PCDHGA8: variants seen among roughly 807,000 people sequenced by gnomAD.
PCDHGA8 encodes protocadherin gamma-A8.
In PCDHGA8, 45 loss-of-function variants were observed where a neutral mutation model predicts 59.2. That is an observed-to-expected ratio of 0.76 (90% CI 0.60 to 0.98). The LOEUF is 0.98. Among genes scored for constraint, PCDHGA8 ranks in the 50% least tolerant of loss-of-function variants. The probability of loss-of-function intolerance (pLI) is 0.00; values close to 1 mark genes in which losing one functional copy is unlikely to be tolerated. For missense variants in PCDHGA8, 1,257 were observed against 1,196.2 expected (o/e 1.05, Z -0.75); for synonymous variants, 531 against 519.0 (o/e 1.02, Z -0.32).
chr5:141,418,897 A>T, intron 1 of PCDHGA8: 1 of 1,613,980 alleles, frequency 6.2e-7, no homozygotes, highest in Non-Finnish European at 8.5e-7. Flanking sequence ...ACAGCCCAGA[A>T]ATAATCATCA....
chr5:141,397,986 C>G, intron 1 of PCDHGA8: 2 of 1,316,082 alleles, frequency 1.5e-6, no homozygotes, highest in Non-Finnish European at 2.1e-6. Flanking sequence ...GCCTTTACAC[C>G]GCTTCCTCCT....
chr5:141,477,572 G>T lies in PCDHGA8; in HGVS notation c.2425-17235G>T, dbSNP rs375416133. The T allele has an allele frequency of 6.2e-7, 1 of 1,614,112 alleles. No homozygotes were observed. Among genetic ancestry groups the T allele is most frequent in the South Asian group, 1.1e-5 (1 of 91,072 alleles). ...AAACCTAAGTGTCTGGGACCCCGAC[G>T]CCCCGCAGAATGCTCGGCTTTCTTT... On this transcript the variant is annotated intron_variant, in intron 1 of 3. Transcript: ENST00000398604. The surrounding 1 kb of genome is among the most constrained non-coding windows in gnomAD (Gnocchi z 4.9).
intron 1 of PCDHGA8, chr5:141,427,818 G>T: frequency 6.5e-7 from 1 of 1,530,644 alleles, no homozygotes; most frequent in Non-Finnish European, 9.0e-7. Flanking sequence ...GAGCGGGGTG[G>T]TGGTCGCGCA....
intron 2 of PCDHGA8, among the ~76,000 whole-genome samples, chr5:141,498,976 GGAAGGAAGGAAGGAA>G (rs1562186940): frequency 1.5e-4 from 2 of 13,010 alleles, no homozygotes; most frequent in Admixed American, 2.9e-3. Context: ...AGGGAGGGAA[GGAAGGAAGGAAGGAA>G]GGAAGGAAGG....
Position 141,476,242 on chromosome 5 carries a change from G to T in PCDHGA8, c.2425-18565G>T. ...ACTATGAGATCCCGGAGGAAAGAGA[G>T]AAGGGTTTCGCTGTGGGCAACGTGG... is the stretch of plus-strand genomic sequence containing the variant. On this transcript the variant is annotated intron_variant, in intron 1 of 3. Coordinates refer to ENST00000398604, the MANE Select transcript of PCDHGA8 (RefSeq NM_032088.2). The surrounding 1 kb of genome is among the most constrained non-coding windows in gnomAD (Gnocchi z 7.6). 6.2e-7 allele frequency: 1 copy of T among 1,614,100 alleles called. No individual in the cohort carries two copies.
intron 1 of PCDHGA8, chr5:141,418,598 T>G: frequency 6.2e-7 from 1 of 1,614,010 alleles, no homozygotes; most frequent in Non-Finnish European, 8.5e-7. Flanking sequence ...CCAGGACGTG[T>G]ACAGGGTTAG....
Position 141,485,256 on chromosome 5 carries a change from G to A in PCDHGA8, c.2425-9551G>A, listed in dbSNP as rs770176450. The A allele has an allele frequency of 6.2e-7, 1 of 1,614,186 alleles. No homozygotes were observed. Among genetic ancestry groups the A allele is most frequent in the Non-Finnish European group, 8.5e-7 (1 of 1,179,996 alleles). On this transcript the variant is annotated intron_variant, in intron 1 of 3. Transcript: ENST00000398604. The surrounding 1 kb of genome is among the most constrained non-coding windows in gnomAD (Gnocchi z 5.7). ...CTCTTTTACCACCTGGGTTACGTTTGTGGGCAGATCCGCTACCCGGTCCCA... is the reference window on the plus strand; with the variant it reads ...CTCTTTTACCACCTGGGTTACGTTTATGGGCAGATCCGCTACCCGGTCCCA...
At position 141,512,967 on chromosome 5, in the gene PCDHGA8, T is replaced by C. The variant is rs2099884538; in HGVS notation, c.*1794T>C. ...CGACAAAAAAATAATAAAACGTTTC[T>C]TCTGAAAAGCTGAACGTTTCTGTAT... On this transcript the variant is annotated 3_prime_UTR_variant, in exon 4 of 4. Transcript: ENST00000398604. The C allele has an allele frequency of 6.6e-6, 1 of 152,260 alleles. No individual in the cohort carries two copies. Among genetic ancestry groups the C allele is most frequent in the South Asian group, 2.1e-4 (1 of 4,832 alleles). The allele number at this position is 152,260 out of a possible 1,614,324, so 9.4% of individuals were successfully genotyped here.
rs1279890312 is a variant in PCDHGA8, at chr5:141,432,403, G to C, written c.2424+37166G>C. On this transcript the variant is annotated intron_variant, in intron 1 of 3. Transcript: ENST00000398604. This position sits in a 1 kb window ranked among gnomAD's most constrained non-coding sequence, Gnocchi z 6.0. ...CGCCCCTCAGCAGCAACGTGTCGTT[G>C]AGCCTGTTCGTGCTGGACCAGAACG... 1.9e-6 allele frequency: 3 copies of C among 1,614,242 alleles called. No homozygotes were observed. Among genetic ancestry groups the C allele is most frequent in the Non-Finnish European group, 8.5e-7 (1 of 1,180,052 alleles).
chr5:141,499,037 G>A (rs912832519), intron 2 of PCDHGA8, among the ~76,000 whole-genome samples: 1 of 150,904 alleles, frequency 6.6e-6, no homozygotes, highest in South Asian at 2.1e-4. Context: ...AGAAAAGAAA[G>A]AAAAAGGGAG....
At chr5:141,466,384 T>C (rs1209046694) in intron 1 of PCDHGA8, among the ~76,000 whole-genome samples, 9 of 152,168 alleles carry the variant, frequency 5.9e-5, no homozygotes, top group Non-Finnish European at 1.3e-4. Context: ...ACCCATCTAA[T>C]GGAAAGTTTG....
rs1290674122 is a variant in PCDHGA8 at position 141,489,521 on chromosome 5, G to A, written c.2425-5286G>A. 3 of 1,613,988 alleles carry A rather than the reference G, an allele frequency of 1.9e-6. No individual in the cohort carries two copies. The highest frequency in any genetic ancestry group is 2.2e-5 in the East Asian group (1 of 44,886). On this transcript the variant is annotated intron_variant, in intron 1 of 3. Coordinates refer to ENST00000398604, the MANE Select transcript of PCDHGA8 (RefSeq NM_032088.2). This position sits in a 1 kb window ranked among gnomAD's most constrained non-coding sequence, Gnocchi z 4.5. ...GTGAATCAAAAGATTGACCGAGAAAGCCTATGTGGAGCCAGCACCAGCTGC... is the reference window on the plus strand; with the variant it reads ...GTGAATCAAAAGATTGACCGAGAAAACCTATGTGGAGCCAGCACCAGCTGC...
chr5:141,486,552 A>C lies in PCDHGA8; in HGVS notation c.2425-8255A>C. The C allele has an allele frequency of 6.2e-7, 1 of 1,614,136 alleles. No individual in the cohort carries two copies. The highest frequency in any genetic ancestry group is 1.1e-5 in the South Asian group (1 of 91,082). On this transcript the variant is annotated intron_variant, in intron 1 of 3. Coordinates refer to ENST00000398604, the MANE Select transcript of PCDHGA8 (RefSeq NM_032088.2). This position sits in a 1 kb window ranked among gnomAD's most constrained non-coding sequence, Gnocchi z 5.0. The stretch of plus-strand genomic sequence containing the variant: ...CCACCCTCTTTCTTTCAGAGGTCAC[A>C]TGAGGTGTTTGTTCCTGAGAACAAT...
intron 1 of PCDHGA8, among the ~76,000 whole-genome samples, chr5:141,463,706 A>T (rs568865377): frequency 2.9e-3 from 440 of 152,024 alleles, no homozygotes; most frequent in Non-Finnish European, 4.6e-3. Context: ...TCGGCCTCCA[A>T]AAGTGCTGGG....
intron 1 of PCDHGA8, among the ~76,000 whole-genome samples, chr5:141,469,108 C>A (rs923728484): frequency 4.0e-5 from 6 of 151,768 alleles, no homozygotes; most frequent in Non-Finnish European, 5.9e-5. Context: ...AAGAACCTGT[C>A]TCTAAAAAAA....
intron 1 of PCDHGA8, chr5:141,478,451 G>A (rs377597887): frequency 2.5e-6 from 4 of 1,613,440 alleles, no homozygotes; most frequent in African/African-American, 2.7e-5. Context: ...ACCTGGTGCA[G>A]CCAGTCCACT....
At position 141,431,294 on chromosome 5, in the gene PCDHGA8, T is replaced by C; in HGVS notation, c.2424+36057T>C. 1.9e-6 allele frequency: 3 copies of C among 1,614,096 alleles called. No individual in the cohort carries two copies. Among genetic ancestry groups the C allele is most frequent in the Non-Finnish European group, 2.5e-6 (3 of 1,180,026 alleles). ...CGAGCTCAGCCCGAACACTCACTTC[T>C]CCCTCATCGTGCAAAATGGAGCCGA... On this transcript the variant is annotated intron_variant, in intron 1 of 3. Transcript: ENST00000398604. The surrounding 1 kb of genome is among the most constrained non-coding windows in gnomAD (Gnocchi z 4.8).
chr5:141,439,212 T>G (rs1391791892), intron 1 of PCDHGA8, among the ~76,000 whole-genome samples: 1 of 150,642 alleles, frequency 6.6e-6, no homozygotes, highest in Non-Finnish European at 1.5e-5. Context: ...AAAATCCATA[T>G]GTGAAAATTC....
At position 141,414,140 on chromosome 5, in the gene PCDHGA8, A is replaced by G. The variant is rs764980296; in HGVS notation, c.2424+18903A>G. ...GAAGAAACCGGTTTCTATGAAATAG[A>G]AATACAAGCAGAAGATGGAGGAGCA... On this transcript the variant is annotated intron_variant, in intron 1 of 3. Transcript: ENST00000398604. 4 of 1,596,912 alleles carry G rather than the reference A, an allele frequency of 2.5e-6. No individual in the cohort carries two copies. In the African/African-American group the frequency reaches 5.4e-5, roughly 21 times the overall value.
Sources: gnomAD v4.1 joint callset for allele counts (sites outside exome capture counted in the v4.1 genomes callset) on GRCh38, gnomAD v4.1.1 for gene constraint, Gnocchi (gnomAD v3.1) non-coding constraint, MANE v1.5 for transcripts, NCBI Gene and HGNC (gene_info 2026-07-23, HGNC 2026-07-21) for gene names.